Variants in NAV3 observed in about 807,000 individuals in gnomAD.
The protein encoded by NAV3 is neuron navigator 3.
In NAV3, 87 loss-of-function variants were observed where a neutral mutation model predicts 244.7. That is an observed-to-expected ratio of 0.36 (90% CI 0.30 to 0.42). The LOEUF is 0.42. Ranked by LOEUF, NAV3 falls within the 20% of genes least tolerant of loss-of-function variation. NAV3 has a pLI of 1.00. For synonymous variants in NAV3, 1,126 were observed against 1,042.2 expected (o/e 1.08, Z -1.55); for missense variants, 2,663 against 2,893.3 (o/e 0.92, Z 1.83).
intron 2 of NAV3, among the ~76,000 whole-genome samples, chr12:77,595,605 T>C (rs1012548455): frequency 6.6e-6 from 1 of 152,188 alleles, no homozygotes. Flanking sequence ...GTAATCATTT[T>C]ACTATGTATA....
At chr12:78,057,538 A>T (rs188706278) in intron 11 of NAV3, among the ~76,000 whole-genome samples, 1 of 152,318 alleles carries the variant, frequency 6.6e-6, no homozygotes. Context: ...TCAGGATATG[A>T]GCTATTTTAG....
chr12:77,952,532 G>T (rs1287197765), intron 3 of NAV3, among the ~76,000 whole-genome samples: 1 of 152,024 alleles, frequency 6.6e-6, no homozygotes, highest in Non-Finnish European at 1.5e-5. Flanking sequence ...AGGTCATAAA[G>T]CTGTGTTGTG....
Position 78,121,992 on chromosome 12 carries a change from G to A in NAV3, c.3802G>A (p.Gly1268Ser), listed in dbSNP as rs1955688156. ...ATCTGCCTCTGCACCTAATACTGAG[G>A]GTGTGAAATCTTCCTCAGTAATGCC... Reference protein sequence around the residue: ...GKSASAPNTEGVKSSSVMPSP... With the variant: ...GKSASAPNTESVKSSSVMPSP... Residue 1268 changes from glycine to serine, a missense_variant, in exon 16 of 40, where the codon GGT (glycine) becomes AGT (serine). Physicochemically the swap from Gly to Ser is moderately conservative, Grantham distance 56 (BLOSUM62 0). Around this residue, in one of 6 missense-constraint regions of NAV3, gnomAD observed 354 missense variants for 413.0 expected, o/e 0.86. Transcript: ENST00000397909. The A allele has an allele frequency of 6.2e-7, 1 of 1,614,160 alleles. No homozygotes were observed. The highest frequency in any genetic ancestry group is 1.1e-5 in the South Asian group (1 of 91,076).
At chr12:77,716,028 A>G (rs770543) in intron 2 of NAV3, among the ~76,000 whole-genome samples, 119,032 of 151,944 alleles carry the variant, frequency 0.78, 48,795 homozygotes, top group East Asian at 0.97. Flanking sequence ...ACATGTATCT[A>G]TGTGTTAGAT....
intron 8 of NAV3, among the ~76,000 whole-genome samples, chr12:78,015,045 C>T (rs549578590): frequency 1.3e-5 from 2 of 152,140 alleles, no homozygotes; most frequent in African/African-American, 2.4e-5. Context: ...AATACTACCA[C>T]GAGTCGGCAT....
intron 12 of NAV3, among the ~76,000 whole-genome samples, chr12:78,064,637 G>A (rs991606511): frequency 6.6e-6 from 1 of 151,996 alleles, no homozygotes; most frequent in African/African-American, 2.4e-5. Context: ...TAAATTAGGG[G>A]GTGGAGACAT....
intron 2 of NAV3, among the ~76,000 whole-genome samples, chr12:77,794,389 T>C (rs997843885): frequency 2.6e-5 from 4 of 152,080 alleles, no homozygotes; most frequent in Non-Finnish European, 4.4e-5. Flanking sequence ...ATTGCACTTA[T>C]ACTAAGTCAT....
chr12:77,643,808 T>C (rs1365581986), intron 2 of NAV3, among the ~76,000 whole-genome samples: 2 of 152,104 alleles, frequency 1.3e-5, no homozygotes, highest in African/African-American at 2.4e-5. Flanking sequence ...ATTAGGCAAG[T>C]ATCATAAAAG....
At chr12:78,047,098 A>C (rs1288586439) in intron 9 of NAV3, among the ~76,000 whole-genome samples, 1 of 151,972 alleles carries the variant, frequency 6.6e-6, no homozygotes, top group African/African-American at 2.4e-5. Flanking sequence ...ATATTCCTCC[A>C]TCCCTTTATT....
At chr12:77,794,774 T>A (rs1871332520) in intron 2 of NAV3, among the ~76,000 whole-genome samples, 1 of 152,220 alleles carries the variant, frequency 6.6e-6, no homozygotes, top group Non-Finnish European at 1.5e-5. Flanking sequence ...GGTATGGTGA[T>A]CTGTGATCAG....
chr12:77,749,194 G>A (rs144530243), intron 2 of NAV3, among the ~76,000 whole-genome samples: 268 of 152,214 alleles, frequency 1.8e-3, no homozygotes, highest in African/African-American at 5.3e-3. Context: ...CATGATAAAG[G>A]ACTACTTCAT....
At chr12:77,860,590 C>T (rs576754206) in intron 1 of NAV3, among the ~76,000 whole-genome samples, 29 of 151,732 alleles carry the variant, frequency 1.9e-4, no homozygotes, top group Non-Finnish European at 4.0e-4. Context: ...AGCAGATAGT[C>T]ATAAGTATCC....
chr12:77,622,978 G>A (rs1418892074), intron 2 of NAV3, among the ~76,000 whole-genome samples: 2 of 152,136 alleles, frequency 1.3e-5, no homozygotes, highest in African/African-American at 4.8e-5. Flanking sequence ...CTTTCAGTCA[G>A]TAATACCTGT....
At chr12:77,857,157 C>T (rs1053936885) in intron 1 of NAV3, among the ~76,000 whole-genome samples, 13 of 151,996 alleles carry the variant, frequency 8.6e-5, no homozygotes, top group Non-Finnish European at 1.6e-4. Context: ...CAAATTCTAG[C>T]CCTCTCTTTT....
In NAV3 at chr12:78,211,206, A is replaced by T. The variant is rs2140144932; in HGVS notation, c.*689A>T. 6.5e-6 allele frequency: 1 copy of T among 152,736 alleles called. No individual in the cohort carries two copies. The highest frequency in any genetic ancestry group is 2.1e-4 in the South Asian group (1 of 4,824). The allele number at this position is 152,736 out of a possible 1,614,324, so 9.5% of individuals were successfully genotyped here. On this transcript the variant is annotated 3_prime_UTR_variant, in exon 40 of 40. Coordinates refer to ENST00000397909, the MANE Select transcript of NAV3 (RefSeq NM_001024383.2). ...GTTTTTACCACAGTGGTCTTTTTAA[A>T]CCACCTGCCCACTCCCTTAACAAGA...
chr12:77,772,842 C>T (rs560504398), intron 2 of NAV3, among the ~76,000 whole-genome samples: 14 of 152,278 alleles, frequency 9.2e-5, no homozygotes, highest in African/African-American at 2.2e-4. Context: ...ATCACTCAGA[C>T]CTGACTTAAC....
chr12:78,084,198 T>C lies in NAV3; in HGVS notation c.2636+25083T>C, dbSNP rs377495645. 5.9e-5 allele frequency among the ~76,000 whole-genome samples: 9 copies of C among 152,354 alleles called. No individual in the cohort carries two copies. In the East Asian group the frequency reaches 9.6e-4, roughly 16 times the overall value. ...ATTCTTTCTCCTCAAATTTCCAGTC[T>C]TTCTTTCCCTTTCTCAGTTAGCATG... On this transcript the variant is annotated intron_variant, in intron 12 of 39. Transcript: ENST00000397909.
intron 2 of NAV3, among the ~76,000 whole-genome samples, chr12:77,724,822 A>C (rs896120341): frequency 1.3e-5 from 2 of 151,986 alleles, no homozygotes; most frequent in Non-Finnish European, 2.9e-5. Flanking sequence ...TGTATAAATT[A>C]AGCTTTGCAA....
chr12:78,200,314 G>A (rs373627212), intron 37 of NAV3, among the ~76,000 whole-genome samples, 159 bp from the exon 38 acceptor site: 4 of 151,942 alleles, frequency 2.6e-5, no homozygotes, highest in Admixed American at 6.6e-5. Flanking sequence ...AGGATATTGG[G>A]TCTTCAGTAA....
Sources: gnomAD v4.1 joint callset for allele counts (sites outside exome capture counted in the v4.1 genomes callset) on GRCh38, gnomAD v4.1.1 for gene constraint, gnomAD v4.1.1 regional missense constraint, MANE v1.5 for transcripts, NCBI Gene and HGNC (gene_info 2026-07-23, HGNC 2026-07-21) for gene names.